TNIK: variants seen among roughly 807,000 people sequenced by gnomAD.
TNIK encodes the protein TRAF2 and NCK-interacting protein kinase.
In TNIK, 49 loss-of-function variants were observed where a neutral mutation model predicts 191.3. That is an observed-to-expected ratio of 0.26 (90% CI 0.20 to 0.32). The LOEUF is 0.32. Among genes scored for constraint, TNIK ranks in the 10% least tolerant of loss-of-function variants. The pLI is 1.00. For missense variants in TNIK, 1,155 were observed against 1,702.3 expected, an observed-to-expected ratio of 0.68 and a Z score of 5.66; for synonymous variants, 594 against 600.9, an observed-to-expected ratio of 0.99 and a Z score of 0.17.
At chr3:171,292,049 T>C (rs1246835496) in intron 2 of TNIK, among the ~76,000 whole-genome samples, 1 of 152,238 alleles carries the variant, frequency 6.6e-6, no homozygotes, top group African/African-American at 2.4e-5. Flanking sequence ...TCAGATATTA[T>C]TTTTAGATCT....
In TNIK at chr3:171,059,707, T is replaced by C. The variant is rs976723363; in HGVS notation, c.*4174A>G. Among the ~76,000 whole-genome samples, 1 of 152,210 alleles carries C rather than the reference T, an allele frequency of 6.6e-6. No individual in the cohort carries two copies. The highest frequency in any genetic ancestry group is 1.5e-5 in the Non-Finnish European group (1 of 68,038). On this transcript the variant is annotated 3_prime_UTR_variant, in exon 33 of 33. Transcript: ENST00000436636. ...GAGATATAGTGGCATTTATGAGAAA[T>C]ATTAGCAGGTAAATTAAATCAAATT...
At chr3:171,238,614 C>A (rs1224185079) in intron 2 of TNIK, among the ~76,000 whole-genome samples, 3 of 152,050 alleles carry the variant, frequency 2.0e-5, no homozygotes, top group Non-Finnish European at 4.4e-5. Flanking sequence ...ACCACCCTTC[C>A]CCAACAAGCA....
At chr3:171,277,303 C>T (rs903772149) in intron 2 of TNIK, among the ~76,000 whole-genome samples, 4 of 152,070 alleles carry the variant, frequency 2.6e-5, no homozygotes, top group African/African-American at 9.7e-5. Context: ...TAAATTATGG[C>T]ATTCTGTTAT....
At chr3:171,094,757 T>C (rs150999193) in intron 22 of TNIK, among the ~76,000 whole-genome samples, 1 of 152,330 alleles carries the variant, frequency 6.6e-6, no homozygotes, top group East Asian at 1.9e-4. Flanking sequence ...TCTGCTCTTA[T>C]CACCTATGTC....
At chr3:171,235,437 C>A (rs1309139900) in intron 2 of TNIK, among the ~76,000 whole-genome samples, 2 of 152,110 alleles carry the variant, frequency 1.3e-5, no homozygotes, top group African/African-American at 2.4e-5. Context: ...ATGCAGCCAA[C>A]TCTTCAGCCT....
chr3:171,416,247 T>C (rs1364327246), intron 1 of TNIK, among the ~76,000 whole-genome samples: 2 of 151,992 alleles, frequency 1.3e-5, no homozygotes, highest in Admixed American at 6.6e-5. Context: ...CAACCTGACA[T>C]CATGTGCCCC....
intron 1 of TNIK, among the ~76,000 whole-genome samples, chr3:171,431,241 A>T (rs1409251268): frequency 6.6e-6 from 1 of 152,126 alleles, no homozygotes; most frequent in Non-Finnish European, 1.5e-5. Context: ...TGCTCCATTT[A>T]TCCCCCATAT....
intron 3 of TNIK, among the ~76,000 whole-genome samples, chr3:171,221,269 T>C (rs1443436657): frequency 6.6e-6 from 1 of 152,108 alleles, no homozygotes; most frequent in Non-Finnish European, 1.5e-5. Context: ...AAAGTAAAAG[T>C]CCCAAAGAGC....
intron 21 of TNIK, chr3:171,106,776 A>T: frequency 1.9e-6 from 1 of 533,464 alleles, no homozygotes. Flanking sequence ...CTCCTTGTTC[A>T]CAAATCACAC....
chr3:171,115,694 G>A (rs753615913), intron 18 of TNIK, among the ~76,000 whole-genome samples: 5 of 152,200 alleles, frequency 3.3e-5, no homozygotes, highest in Admixed American at 2.0e-4. Context: ...TGGGAGAGTG[G>A]AGTGATCAGA....
chr3:171,086,473 T>C (rs1441558863), intron 24 of TNIK, among the ~76,000 whole-genome samples: 2 of 152,078 alleles, frequency 1.3e-5, no homozygotes, highest in African/African-American at 2.4e-5. Context: ...CCAAGAGAGG[T>C]GTTCAGGCAG....
chr3:171,095,276 A>T (rs565021434), intron 22 of TNIK, among the ~76,000 whole-genome samples: 4 of 152,234 alleles, frequency 2.6e-5, no homozygotes, highest in African/African-American at 9.6e-5. Flanking sequence ...AGTGAGCTTC[A>T]CTCTATCAGG....
chr3:171,353,041 T>C (rs1342650329), intron 2 of TNIK, among the ~76,000 whole-genome samples: 4 of 152,178 alleles, frequency 2.6e-5, no homozygotes, highest in Admixed American at 6.5e-5. Context: ...AATTACTAGG[T>C]CATTTGTGAG....
chr3:171,286,160 G>A (rs532706954), intron 2 of TNIK, among the ~76,000 whole-genome samples: 1 of 152,154 alleles, frequency 6.6e-6, no homozygotes, highest in Non-Finnish European at 1.5e-5. Flanking sequence ...ACTAAAGATG[G>A]TGGAAGAGAC....
intron 3 of TNIK, among the ~76,000 whole-genome samples, chr3:171,218,462 G>A (rs1038920087): frequency 2.6e-5 from 4 of 151,482 alleles, no homozygotes; most frequent in Admixed American, 1.3e-4. Context: ...CATAAATGGC[G>A]TGGCTTATAT....
chr3:171,127,182 A>G lies in TNIK; in HGVS notation c.1774-1031T>C, dbSNP rs185128775. On this transcript the variant is annotated intron_variant, in intron 16 of 32. Coordinates refer to ENST00000436636, the MANE Select transcript of TNIK (RefSeq NM_015028.4). Reference sequence around the variant, plus strand: ...TGTTAATTCAACAAACATTAGTTTAATATCTGTTTTGTGCAAGGACCTGTC... The same window carrying G: ...TGTTAATTCAACAAACATTAGTTTAGTATCTGTTTTGTGCAAGGACCTGTC... Among the ~76,000 whole-genome samples the G allele has an allele frequency of 3.0e-3, 463 of 152,322 alleles. 3 individuals carry two copies. The highest frequency in any genetic ancestry group is 0.011 in the African/African-American group (442 of 41,580).
chr3:171,180,701 A>G (rs1423915802), intron 7 of TNIK, among the ~76,000 whole-genome samples: 1 of 152,228 alleles, frequency 6.6e-6, no homozygotes, highest in Non-Finnish European at 1.5e-5. Context: ...ACCCAAGATC[A>G]AAGAGCAACT....
At chr3:171,297,565 T>C (rs959380156) in intron 2 of TNIK, among the ~76,000 whole-genome samples, 14 of 152,236 alleles carry the variant, frequency 9.2e-5, no homozygotes, top group African/African-American at 3.4e-4. Context: ...TATCAGTTTT[T>C]AATTATATCC....
intron 22 of TNIK, among the ~76,000 whole-genome samples, chr3:171,096,280 C>T (rs956431403): frequency 2.0e-5 from 3 of 151,966 alleles, no homozygotes; most frequent in Non-Finnish European, 4.4e-5. Flanking sequence ...GTGGCCACCC[C>T]GTCTTCAGTC....
Sources: gnomAD v4.1 joint callset for allele counts (sites outside exome capture counted in the v4.1 genomes callset) on GRCh38, gnomAD v4.1.1 for gene constraint, MANE v1.5 for transcripts, NCBI Gene and HGNC (gene_info 2026-07-23, HGNC 2026-07-21) for gene names.